The following KIF4A variants were observed in gnomAD, a reference collection of about 807,000 sequenced individuals.
KIF4A encodes chromosome-associated kinesin KIF4A.
Under a neutral mutation model 105.9 loss-of-function variants are expected in KIF4A, and 7 were observed. The observed-to-expected ratio is 0.07, with a 90% CI of 0.04 to 0.12. The LOEUF is 0.12. Among genes scored for constraint, KIF4A ranks in the 10% least tolerant of loss-of-function variants. The probability of loss-of-function intolerance (pLI) is 1.00; values close to 1 mark genes in which losing one functional copy is unlikely to be tolerated. For synonymous variants in KIF4A, 281 were observed against 331.3 expected (o/e 0.85, Z 1.65); for missense variants, 558 against 929.2 (o/e 0.60, Z 5.19).
At chrX:70,368,154 A>C in intron 15 of KIF4A, among the ~76,000 whole-genome samples, 1 of 111,679 alleles carries the variant, frequency 9.0e-6, no homozygotes, top group Non-Finnish European at 1.9e-5. Flanking sequence ...CCATTTGTCT[A>C]ATCTTTTTTC....
intron 15 of KIF4A, among the ~76,000 whole-genome samples, chrX:70,359,008 C>G (rs551046016): frequency 1.8e-5 from 2 of 111,800 alleles, no homozygotes; most frequent in South Asian, 3.8e-4. Flanking sequence ...AGAAAGGAAG[C>G]CTCTGCTCTA....
intron 10 of KIF4A, among the ~76,000 whole-genome samples, chrX:70,340,803 TC>T (rs1414828215): frequency 9.0e-6 from 1 of 111,439 alleles, no homozygotes; most frequent in Admixed American, 9.5e-5. Context: ...GAACAGCTGT[TC>T]CCTGTCCTTT....
In KIF4A at chrX:70,376,119, T is replaced by C; in HGVS notation, c.1943T>C (p.Val648Ala). The change falls in exon 18 of 31, where the codon GTA becomes GCA. Residue 648 changes from valine to alanine, a missense_variant. Coordinates refer to ENST00000374403, the MANE Select transcript of KIF4A (RefSeq NM_012310.5). ...QEIRMMKNQRVQLMRQMKEDA... is the reference protein window; with the variant it reads ...QEIRMMKNQRAQLMRQMKEDA... ...TTATAGATGATGAAAAACCAGCGGG[T>C]ACAGTTAATGCGTCAAATGAAAGAA... is the stretch of plus-strand genomic sequence containing the variant. 3.3e-6 allele frequency: 4 copies of C among 1,204,879 alleles called. No homozygotes were observed. The highest frequency in any genetic ancestry group is 4.5e-6 in the Non-Finnish European group (4 of 890,923).
At position 70,414,441 on chromosome X, in the gene KIF4A, C is replaced by G. The variant is rs182257264; in HGVS notation, c.3256-3447C>G. On this transcript the variant is annotated intron_variant, in intron 28 of 30. Transcript: ENST00000374403. ...GCCTCATGAACAGGACTACTGGGTC[C>G]ATAACAAGGGAGGTGTTTATCACAG... Among the ~76,000 whole-genome samples, 200 of 111,759 alleles carry G rather than the reference C, an allele frequency of 1.8e-3. 1 individual carries two copies. Among genetic ancestry groups the G allele is most frequent in the African/African-American group, 4.9e-3 (151 of 30,770 alleles).
chrX:70,389,482 C>T (rs754333768), intron 20 of KIF4A, among the ~76,000 whole-genome samples: 2 of 112,387 alleles, frequency 1.8e-5, no homozygotes, highest in East Asian at 2.8e-4. Flanking sequence ...GTGGAAGAAT[C>T]GCTTGAACCG....
intron 15 of KIF4A, among the ~76,000 whole-genome samples, chrX:70,360,449 C>T (rs1265196356): frequency 8.9e-6 from 1 of 112,631 alleles, no homozygotes; most frequent in Non-Finnish European, 1.9e-5. Context: ...CTCAACCCTG[C>T]TGGTACTGAC....
chrX:70,298,755 CCT>C (rs2085793466), intron 4 of KIF4A, among the ~76,000 whole-genome samples: 2 of 112,279 alleles, frequency 1.8e-5, no homozygotes, highest in African/African-American at 6.5e-5. Context: ...CATCTATGTA[CCT>C]GTTATTCACA....
intron 18 of KIF4A, among the ~76,000 whole-genome samples, chrX:70,378,269 C>T (rs933508479): frequency 1.8e-5 from 2 of 109,847 alleles, no homozygotes; most frequent in Non-Finnish European, 3.8e-5. Context: ...TCACTTGACC[C>T]CAGGAGTTCA....
At chrX:70,378,879 C>T (rs1006276681) in intron 18 of KIF4A, among the ~76,000 whole-genome samples, 4 of 110,003 alleles carry the variant, frequency 3.6e-5, no homozygotes, top group East Asian at 5.7e-4. Context: ...AGAGGCCAGG[C>T]GCGGTGGCTC....
intron 15 of KIF4A, among the ~76,000 whole-genome samples, chrX:70,369,018 G>A (rs545583368): frequency 1.8e-5 from 2 of 112,438 alleles, no homozygotes; most frequent in South Asian, 3.7e-4. Context: ...AGCAATAAGC[G>A]AAGCTCCATG....
At chrX:70,395,608 A>C in intron 20 of KIF4A, 63 bp from the exon 21 acceptor site, 1 of 1,180,125 alleles carries the variant, frequency 8.5e-7, no homozygotes, top group Non-Finnish European at 1.1e-6. Context: ...TCTGGAGCTG[A>C]ATCTAGCCCA....
At chrX:70,317,576 C>T (rs1216485172) in intron 7 of KIF4A, among the ~76,000 whole-genome samples, 3 of 87,684 alleles carry the variant, frequency 3.4e-5, no homozygotes, top group South Asian at 6.7e-4. Flanking sequence ...GACAGGGTCT[C>T]GCTCTGTTGC....
chrX:70,312,774 A>G (rs1020024952), intron 7 of KIF4A, among the ~76,000 whole-genome samples: 1 of 111,767 alleles, frequency 8.9e-6, no homozygotes, highest in Non-Finnish European at 1.9e-5. Flanking sequence ...TACCACTTCA[A>G]TCTAATCTTA....
At position 70,405,914 on chromosome X, in the gene KIF4A, G is replaced by A. The variant is rs1337490450; in HGVS notation, c.2976+9G>A. The A allele has an allele frequency of 1.7e-6, 2 of 1,188,967 alleles. No individual in the cohort carries two copies. Among genetic ancestry groups the A allele is most frequent in the Admixed American group, 4.4e-5 (2 of 45,592 alleles). Reference sequence around the variant, plus strand: ...ATGAAATCATCAAGCAGGTAATACAGTTTCCCACCCACTTGATAAGCCCTA... The same window carrying A: ...ATGAAATCATCAAGCAGGTAATACAATTTCCCACCCACTTGATAAGCCCTA... On this transcript the variant is annotated intron_variant, in intron 26 of 30. Coordinates refer to ENST00000374403, the MANE Select transcript of KIF4A (RefSeq NM_012310.5).
At chrX:70,404,690 C>T in intron 24 of KIF4A, 25 bp from the exon 25 acceptor site, 1 of 1,117,257 alleles carries the variant, frequency 9.0e-7, no homozygotes, top group South Asian at 1.9e-5. Flanking sequence ...TTTGTTACCA[C>T]CCATTGGATC....
chrX:70,367,833 T>C (rs1179909874), intron 15 of KIF4A, among the ~76,000 whole-genome samples: 1 of 112,075 alleles, frequency 8.9e-6, no homozygotes, highest in Non-Finnish European at 1.9e-5. Flanking sequence ...CTGGATAATA[T>C]CCTACAGAGT....
At chrX:70,387,120 G>A in intron 19 of KIF4A, 64 bp from the exon 20 acceptor site, 2 of 772,630 alleles carry the variant, frequency 2.6e-6, no homozygotes. Flanking sequence ...TTACTAATGT[G>A]CTAGAAATTG....
chrX:70,415,319 C>T (rs1210937484), intron 28 of KIF4A: 7 of 269,946 alleles, frequency 2.6e-5, no homozygotes, highest in Non-Finnish European at 4.8e-5. Flanking sequence ...TACAAAAACT[C>T]TTATGTGTGG....
intron 7 of KIF4A, among the ~76,000 whole-genome samples, chrX:70,317,939 G>A (rs558019070): frequency 2.9e-5 from 3 of 105,247 alleles, no homozygotes; most frequent in Non-Finnish European, 5.8e-5. Context: ...GTGCAGTGGC[G>A]TGATGTTGGG....
Sources: allele counts gnomAD v4.1 joint callset (sites outside exome capture counted in the v4.1 genomes callset), GRCh38; gene constraint gnomAD v4.1.1; transcripts MANE v1.5; gene names NCBI Gene and HGNC (gene_info 2026-07-23, HGNC 2026-07-21).